The following SEC61A2 variants were observed in gnomAD, a reference collection of about 807,000 sequenced individuals.
SEC61A2 encodes the protein SEC61 translocon subunit alpha 2, also known as protein transport protein Sec61 subunit alpha isoform 2.
In SEC61A2, 28 loss-of-function variants were observed where a neutral mutation model predicts 59.9. The observed-to-expected ratio is 0.47, with a 90% CI of 0.35 to 0.64. The LOEUF (loss-of-function observed/expected upper bound fraction) is 0.64. Ranked by LOEUF, SEC61A2 falls within the 30% of genes least tolerant of loss-of-function variation. The pLI is 0.01. For missense variants in SEC61A2, 340 were observed against 585.9 expected (o/e 0.58, Z 4.33); for synonymous variants, 202 against 214.4 (o/e 0.94, Z 0.50).
At position 12,162,173 on chromosome 10, in the gene SEC61A2, T is replaced by C. The variant is rs1369557695; in HGVS notation, c.1168-40T>C. On this transcript the variant is annotated intron_variant, in intron 10 of 11. Coordinates refer to ENST00000298428, the MANE Select transcript of SEC61A2 (RefSeq NM_018144.4). This position sits in a 1 kb window ranked among gnomAD's most constrained non-coding sequence, Gnocchi z 6.1. The stretch of plus-strand genomic sequence containing the variant: ...AACGTGGTAGATGTAAGCAGTGAAA[T>C]GTTCCAGTTGGATTTTGAAAGTCGT... The C allele has an allele frequency of 6.5e-7, 1 of 1,534,616 alleles. No individual in the cohort carries two copies. The highest frequency in any genetic ancestry group is 1.4e-5 in the African/African-American group (1 of 73,334).
At position 12,157,997 on chromosome 10, in the gene SEC61A2, C is replaced by A; in HGVS notation, c.867C>A (p.Ile289=). Residue 289 remains isoleucine (I), a synonymous_variant, in exon 9 of 12, where the codon ATC becomes ATA. Transcript: ENST00000298428. ...YPIKLFYTSN[I]PIILQSALVS... is the part of the protein sequence containing the mutation. ...TCAAACTCTTCTACACCTCCAACATCCCCATCATCCTCCAGTCGGCCCTGG... is the reference window on the plus strand; with the variant it reads ...TCAAACTCTTCTACACCTCCAACATACCCATCATCCTCCAGTCGGCCCTGG... The A allele has an allele frequency of 1.2e-6, 2 of 1,614,160 alleles. No homozygotes were observed. Among genetic ancestry groups the A allele is most frequent in the Non-Finnish European group, 1.7e-6 (2 of 1,180,002 alleles).
At chr10:12,135,938 G>T (rs1275188607) in intron 2 of SEC61A2, among the ~76,000 whole-genome samples, 167 bp from the exon 3 acceptor site, 1 of 152,190 alleles carries the variant, frequency 6.6e-6, no homozygotes, top group Non-Finnish European at 1.5e-5. Flanking sequence ...AAAAATGTTT[G>T]TAAAACTTTG....
intron 1 of SEC61A2, 81 bp from the exon 2 acceptor site, chr10:12,133,160 C>T: frequency 1.4e-6 from 1 of 704,732 alleles, no homozygotes; most frequent in Non-Finnish European, 2.4e-6. Flanking sequence ...GAAAGAGAAT[C>T]TTTGTATTTG....
In SEC61A2 at chr10:12,155,954, C is replaced by G; in HGVS notation, c.616+23C>G. On this transcript the variant is annotated intron_variant, in intron 7 of 11. Coordinates refer to ENST00000298428, the MANE Select transcript of SEC61A2 (RefSeq NM_018144.4). This position sits in a 1 kb window ranked among gnomAD's most constrained non-coding sequence, Gnocchi z 4.3. The stretch of plus-strand genomic sequence containing the variant: ...GAGGTACATCGCACAGCGACTGCAA[C>G]TGCACGCGTTTTGCTGGATGTGTGC... The G allele has an allele frequency of 6.2e-7, 1 of 1,613,648 alleles. No homozygotes were observed. The highest frequency in any genetic ancestry group is 8.5e-7 in the Non-Finnish European group (1 of 1,179,540).
downstream of SEC61A2, chr10:12,169,936 C>T (rs956737401): frequency 6.0e-5 from 34 of 569,798 alleles, no homozygotes; most frequent in South Asian, 7.6e-4. This position sits in a 1 kb window ranked among gnomAD's most constrained non-coding sequence, Gnocchi z 4.8. Context: ...ACACTTATAC[C>T]CAATAAAATA....
At chr10:12,133,872 A>G (rs1833820341) in intron 2 of SEC61A2, among the ~76,000 whole-genome samples, 2 of 152,248 alleles carry the variant, frequency 1.3e-5, no homozygotes, top group Admixed American at 1.3e-4. Flanking sequence ...AAATTCTGGA[A>G]ATATTGTTAA....
intron 8 of SEC61A2, 98 bp downstream of exon 8, chr10:12,157,165 G>T: frequency 3.3e-6 from 4 of 1,209,848 alleles, no homozygotes; most frequent in Non-Finnish European, 3.5e-6. Flanking sequence ...ACAAGTCAGG[G>T]TTTAAGATCA....
downstream of SEC61A2, chr10:12,167,727 A>G (rs1040080294): frequency 3.7e-6 from 6 of 1,614,070 alleles, no homozygotes; most frequent in Admixed American, 1.7e-5. Flanking sequence ...GGGCACTTCA[A>G]ATGGCTTTGC....
chr10:12,133,557 G>C (rs1000311819), intron 2 of SEC61A2, among the ~76,000 whole-genome samples: 2 of 152,178 alleles, frequency 1.3e-5, no homozygotes, highest in African/African-American at 4.8e-5. Flanking sequence ...TGTTTCTTCG[G>C]CCTATGTGTT....
chr10:12,165,518 A>G, downstream of SEC61A2: 1 of 246,486 alleles, frequency 4.1e-6, no homozygotes, highest in Non-Finnish European at 6.5e-6. Flanking sequence ...TAAATTATTG[A>G]CAGATAGATA....
chr10:12,157,215 A>T, intron 8 of SEC61A2, 148 bp downstream of exon 8: 1 of 724,418 alleles, frequency 1.4e-6, no homozygotes, highest in Non-Finnish European at 2.3e-6. Flanking sequence ...CCAGACTCTG[A>T]TTTTAAGGTG....
chr10:12,129,716 C>G lies in SEC61A2; in HGVS notation c.-72C>G. 1 of 1,433,504 alleles carries G rather than the reference C, an allele frequency of 7.0e-7. No homozygotes were observed. The allele number at this position is 1,433,504 out of a possible 1,614,324, so 88.8% of individuals were successfully genotyped here. On this transcript the variant is annotated 5_prime_UTR_variant, in exon 1 of 12. Transcript: ENST00000298428. This position sits in a 1 kb window ranked among gnomAD's most constrained non-coding sequence, Gnocchi z 5.6. ...ATCGCGTCGGGAGCCGGTACCGAGG[C>G]CCGAGCCGCGGGAGTCGAGCGAAGG...
intron 3 of SEC61A2, among the ~76,000 whole-genome samples, chr10:12,137,671 T>C (rs1833919318): frequency 6.6e-6 from 1 of 152,186 alleles, no homozygotes; most frequent in African/African-American, 2.4e-5. Flanking sequence ...AAATGTGGCC[T>C]GCCTATGTTT....
Position 12,165,006 on chromosome 10 carries a change from C to G in SEC61A2, c.*552C>G. 1.0e-6 allele frequency: 1 copy of G among 983,156 alleles called. No homozygotes were observed. Among genetic ancestry groups the G allele is most frequent in the Non-Finnish European group, 1.2e-6 (1 of 829,734 alleles). 60.9% of individuals were successfully genotyped at this position (983,156 alleles called of 1,614,324 possible). On this transcript the variant is annotated 3_prime_UTR_variant, in exon 12 of 12. Coordinates refer to ENST00000298428, the MANE Select transcript of SEC61A2 (RefSeq NM_018144.4). ...TTAGCCCACATGGGCGAAATCAAGT[C>G]TCCAGTTATTTCTGCCACAACTGCT... is the stretch of plus-strand genomic sequence containing the variant.
chr10:12,143,925 T>G lies in SEC61A2; in HGVS notation c.220+730T>G, dbSNP rs1834081582. On this transcript the variant is annotated intron_variant, in intron 4 of 11. Transcript: ENST00000298428. The surrounding 1 kb of genome is among the most constrained non-coding windows in gnomAD (Gnocchi z 4.8). ...TGGTTGCCTCTTTTTTGGAAACACT[T>G]TTTTCAGGCGATCCTCCCACTTCAG... Among the ~76,000 whole-genome samples the G allele has an allele frequency of 1.3e-5, 2 of 152,086 alleles. No individual in the cohort carries two copies. Among genetic ancestry groups the G allele is most frequent in the Non-Finnish European group, 2.9e-5 (2 of 68,014 alleles).
In SEC61A2 at chr10:12,155,843, G is replaced by C; in HGVS notation, c.528G>C (p.Gly176=). 1 of 1,614,254 alleles carries C rather than the reference G, an allele frequency of 6.2e-7. No individual in the cohort carries two copies. Among genetic ancestry groups the C allele is most frequent in the Admixed American group, 1.7e-5 (1 of 60,028 alleles). ...DELLQKGYGL[G]SGISLFIATN... ...TGCTACAGAAGGGTTACGGCTTGGG[G>C]TCTGGGATTTCCCTCTTTATTGCCA... Residue 176 remains glycine (G), a synonymous_variant, in exon 7 of 12, where the codon GGG becomes GGC. Coordinates refer to ENST00000298428, the MANE Select transcript of SEC61A2 (RefSeq NM_018144.4). The surrounding 1 kb of genome is among the most constrained non-coding windows in gnomAD (Gnocchi z 4.3).
At chr10:12,148,285 G>A (rs1355075471) in intron 4 of SEC61A2, among the ~76,000 whole-genome samples, 1 of 124,824 alleles carries the variant, frequency 8.0e-6, no homozygotes, top group African/African-American at 3.1e-5. Context: ...CGCTCTTGTT[G>A]CCCAGGCTGG....
rs774895450 is a variant in SEC61A2, at chr10:12,149,566, T to C, written c.221-29T>C. 2 of 1,578,006 alleles carry C rather than the reference T, an allele frequency of 1.3e-6. No individual in the cohort carries two copies. The highest frequency in any genetic ancestry group is 8.6e-7 in the Non-Finnish European group (1 of 1,164,776). On this transcript the variant is annotated intron_variant, in intron 4 of 11. Transcript: ENST00000298428. The surrounding 1 kb of genome is among the most constrained non-coding windows in gnomAD (Gnocchi z 5.2). Reference sequence around the variant, plus strand: ...CAGTTTGTATCGTGTACAGCAAACATTGCACACTTCTCTCCCCTTCCTTTC... The same window carrying C: ...CAGTTTGTATCGTGTACAGCAAACACTGCACACTTCTCTCCCCTTCCTTTC...
At chr10:12,134,501 T>G (rs1016817702) in intron 2 of SEC61A2, among the ~76,000 whole-genome samples, 1 of 152,220 alleles carries the variant, frequency 6.6e-6, no homozygotes, top group Non-Finnish European at 1.5e-5. Flanking sequence ...CCTTTTCAGT[T>G]TCATTTAACA....
Sources: gnomAD v4.1 joint callset for allele counts (sites outside exome capture counted in the v4.1 genomes callset) on GRCh38, gnomAD v4.1.1 for gene constraint, Gnocchi (gnomAD v3.1) non-coding constraint, MANE v1.5 for transcripts, NCBI Gene and HGNC (gene_info 2026-07-23, HGNC 2026-07-21) for gene names.